The following PDE1C variants were observed in gnomAD, a reference collection of about 807,000 sequenced individuals.
The protein encoded by PDE1C is phosphodiesterase 1C, also known as dual specificity calcium/calmodulin-dependent 3',5'-cyclic nucleotide phosphodiesterase 1C.
In PDE1C, 62 loss-of-function variants were observed where a neutral mutation model predicts 93.1. The observed-to-expected ratio is 0.67, with a 90% CI of 0.54 to 0.82. The LOEUF (loss-of-function observed/expected upper bound fraction) is 0.82, where lower values mean the gene tolerates loss of function less well. Among genes scored for constraint, PDE1C ranks in the 40% least tolerant of loss-of-function variants. The probability of loss-of-function intolerance (pLI) is 0.00; values close to 1 mark genes in which losing one functional copy is unlikely to be tolerated. For missense variants in PDE1C, 742 were observed against 884.6 expected, an observed-to-expected ratio of 0.84 and a Z score of 2.04; for synonymous variants, 325 against 310.1, an observed-to-expected ratio of 1.05 and a Z score of -0.50.
chr7:32,013,351 A>G (rs1037182817), intron 2 of PDE1C, among the ~76,000 whole-genome samples: 2 of 152,210 alleles, frequency 1.3e-5, no homozygotes, highest in Admixed American at 1.3e-4. Context: ...TAGTACTTGA[A>G]CATAAATTTT....
At chr7:31,917,406 A>G (rs182522481) in intron 2 of PDE1C, among the ~76,000 whole-genome samples, 1 of 152,170 alleles carries the variant, frequency 6.6e-6, no homozygotes. Context: ...AAACAAATTA[A>G]TGTCAACCTG....
chr7:31,912,738 A>T (rs942704557), intron 2 of PDE1C, among the ~76,000 whole-genome samples: 1 of 151,976 alleles, frequency 6.6e-6, no homozygotes, highest in African/African-American at 2.4e-5. Flanking sequence ...TGGCATGGGG[A>T]ATTAGTTCCC....
intron 2 of PDE1C, among the ~76,000 whole-genome samples, chr7:31,890,384 C>G (rs1217954482): frequency 6.6e-6 from 1 of 152,202 alleles, no homozygotes; most frequent in African/African-American, 2.4e-5. Flanking sequence ...TTGAATGGCA[C>G]TAATGAGAAC....
At chr7:32,057,522 G>A (rs1206064450) in intron 1 of PDE1C, among the ~76,000 whole-genome samples, 3 of 152,158 alleles carry the variant, frequency 2.0e-5, no homozygotes, top group African/African-American at 7.2e-5. Context: ...ATCATCAAAG[G>A]GCAAAGAGCA....
At chr7:31,776,076 C>T (rs779892969) in intron 16 of PDE1C, among the ~76,000 whole-genome samples, 4 of 152,154 alleles carry the variant, frequency 2.6e-5, no homozygotes, top group Non-Finnish European at 4.4e-5. Flanking sequence ...AGGCCCAGCA[C>T]TCATGTTTTT....
At chr7:32,290,805 C>G (rs1007946102) in intron 1 of PDE1C, among the ~76,000 whole-genome samples, 2 of 152,108 alleles carry the variant, frequency 1.3e-5, no homozygotes, top group Admixed American at 6.6e-5. Flanking sequence ...CATAAAGTAT[C>G]AAGAGATCAT....
chr7:32,175,504 C>T (rs1562549085), intron 2 of PDE1C, among the ~76,000 whole-genome samples: 1 of 152,200 alleles, frequency 6.6e-6, no homozygotes. Flanking sequence ...GCGTTGATGG[C>T]TGCTGACTGA....
rs1797513671 is a variant in PDE1C at position 31,883,575 on chromosome 7, G to A, written c.129-2715C>T. On this transcript the variant is annotated intron_variant, in intron 2 of 17. Coordinates refer to ENST00000396191, the MANE Select transcript of PDE1C (RefSeq NM_001191057.4). Reference sequence around the variant, plus strand: ...AATTCTCATCAGTTGAAAAATAATTGGAATTATTAAGGACATTATATGGAC... The same window carrying A: ...AATTCTCATCAGTTGAAAAATAATTAGAATTATTAAGGACATTATATGGAC... Among the ~76,000 whole-genome samples, 3 of 152,050 alleles carry A rather than the reference G, an allele frequency of 2.0e-5. No individual in the cohort carries two copies. In the South Asian group the frequency reaches 6.2e-4, roughly 32 times the overall value.
At chr7:31,740,992 C>T in the PDE1C span, among the ~76,000 whole-genome samples, 1 of 151,288 alleles carries the variant, frequency 6.6e-6, no homozygotes, top group Admixed American at 6.6e-5. Context: ...TCTCTTGAGT[C>T]TAGGAGTTTG....
At chr7:31,968,414 AC>A (rs1810372488) in intron 2 of PDE1C, among the ~76,000 whole-genome samples, 1 of 152,008 alleles carries the variant, frequency 6.6e-6, no homozygotes, top group Non-Finnish European at 1.5e-5. Flanking sequence ...GATGTGAAGG[AC>A]CTCTTCAAGG....
At chr7:31,656,893 T>C in the PDE1C span, among the ~76,000 whole-genome samples, 1 of 58,794 alleles carries the variant, frequency 1.7e-5, no homozygotes, top group East Asian at 6.4e-4. Flanking sequence ...GGCTGCTCTA[T>C]CCCACCAGGA....
At chr7:31,679,119 C>T in the PDE1C span, among the ~76,000 whole-genome samples, 3 of 152,288 alleles carry the variant, frequency 2.0e-5, no homozygotes, top group East Asian at 3.9e-4. Context: ...CCTCTAACCT[C>T]GTTTTCCGAC....
At chr7:31,623,454 G>A in the PDE1C span, among the ~76,000 whole-genome samples, 79,930 of 149,966 alleles carry the variant, frequency 0.53, 21,719 homozygotes, top group East Asian at 0.83. Flanking sequence ...TTCAATATAC[G>A]CAAATCAATA....
chr7:31,786,303 GT>G (rs1783932760), intron 16 of PDE1C: 1 of 147,790 alleles, frequency 6.8e-6, no homozygotes, highest in African/African-American at 2.5e-5. Context: ...GTATTGTTCT[GT>G]TTTTTTCTTA....
At chr7:31,767,644 T>A (rs963508082) in intron 17 of PDE1C, among the ~76,000 whole-genome samples, 3 of 152,242 alleles carry the variant, frequency 2.0e-5, no homozygotes, top group Non-Finnish European at 2.9e-5. Context: ...ACACTTGGCT[T>A]AGTCAGCTTG....
the PDE1C span, chr7:31,643,466 C>T: frequency 1.2e-6 from 2 of 1,614,010 alleles, no homozygotes; most frequent in Non-Finnish European, 1.7e-6. Context: ...GAAAACCTTC[C>T]TCTAAATACT....
upstream of PDE1C, among the ~76,000 whole-genome samples, chr7:32,075,288 A>AT (rs1459107753): frequency 6.6e-6 from 1 of 152,170 alleles, no homozygotes; most frequent in Non-Finnish European, 1.5e-5. Flanking sequence ...CCCTTGATCC[A>AT]TTTTTCACGA....
At chr7:32,305,615 C>CCAGGCT (rs1297447634) in intron 1 of PDE1C, among the ~76,000 whole-genome samples, 1 of 152,214 alleles carries the variant, frequency 6.6e-6, no homozygotes, top group African/African-American at 2.4e-5. Context: ...CCAGACAAAG[C>CCAGGCT]TTCTACACAC....
chr7:32,188,776 T>C (rs899672125), intron 2 of PDE1C, among the ~76,000 whole-genome samples: 1 of 152,148 alleles, frequency 6.6e-6, no homozygotes, highest in Non-Finnish European at 1.5e-5. Flanking sequence ...TTTAGATTTA[T>C]CCCTAGTTTA....
Sources: allele counts gnomAD v4.1 joint callset (sites outside exome capture counted in the v4.1 genomes callset), GRCh38; gene constraint gnomAD v4.1.1; transcripts MANE v1.5; gene names NCBI Gene and HGNC (gene_info 2026-07-23, HGNC 2026-07-21).